SGCD: variants seen among roughly 807,000 people sequenced by gnomAD.
SGCD encodes delta-sarcoglycan.
SGCD carries 18 observed loss-of-function variants against 36.6 expected under a neutral mutation model. That is an observed-to-expected ratio of 0.49 (90% confidence interval 0.34 to 0.73). SGCD has a LOEUF of 0.73. SGCD is among the 30% of genes least tolerant of loss of function. The probability of loss-of-function intolerance (pLI) is 0.01; values close to 1 mark genes in which losing one functional copy is unlikely to be tolerated. For missense variants in SGCD, 387 were observed against 346.7 expected, an observed-to-expected ratio of 1.12 and a Z score of -0.92; for synonymous variants, 133 against 130.6, an observed-to-expected ratio of 1.02 and a Z score of -0.12.
chr5:155,929,968 T>A (rs1435813776), intron 1 of SGCD, among the ~76,000 whole-genome samples: 2 of 152,168 alleles, frequency 1.3e-5, no homozygotes, highest in Non-Finnish European at 2.9e-5. Context: ...AGCTCAAATG[T>A]CTCCTCAATG....
intron 3 of SGCD, among the ~76,000 whole-genome samples, chr5:156,151,566 A>G (rs778904419): frequency 4.6e-5 from 7 of 151,610 alleles, no homozygotes; most frequent in African/African-American, 4.9e-5. Context: ...GCTCATTTCT[A>G]TTAATTACTT....
In SGCD at chr5:156,344,041, T is replaced by A. The variant is rs1561633034; in HGVS notation, c.4-448T>A. On this transcript the variant is annotated intron_variant, in intron 2 of 8. Coordinates refer to ENST00000337851, the MANE Select transcript of SGCD (RefSeq NM_000337.6). ...CAATACAGAATGATAGTGTTCAAAA[T>A]TTTTTAACCACCCCCCCAAATAAAT... Among the ~76,000 whole-genome samples, 6 of 146,340 alleles carry A rather than the reference T, an allele frequency of 4.1e-5. 1 individual carries two copies. The highest frequency in any genetic ancestry group is 5.1e-5 in the African/African-American group (2 of 38,940).
At chr5:156,412,787 C>CTTTTTTTTTTTTTTTTTTTTTTTTTTT (rs35464853) in intron 3 of SGCD, among the ~76,000 whole-genome samples, 1 of 105,032 alleles carries the variant, frequency 9.5e-6, no homozygotes. Context: ...AGGGTTGGTT[C>CTTTTTTTTTTTTTTTTTTTTTTTTTTT]TTTTTTTTTT....
At chr5:155,853,153 T>G in the SGCD span, among the ~76,000 whole-genome samples, 615 of 152,182 alleles carry the variant, frequency 4.0e-3, 3 homozygotes, top group Middle Eastern at 0.024. Flanking sequence ...GAAACATCCA[T>G]TATATTATAA....
intron 3 of SGCD, among the ~76,000 whole-genome samples, chr5:156,279,160 T>G (rs924957064): frequency 2.0e-5 from 3 of 152,170 alleles, no homozygotes; most frequent in Admixed American, 2.0e-4. Flanking sequence ...GTGTTCTGCA[T>G]GTAGCTGGAG....
intron 7 of SGCD, among the ~76,000 whole-genome samples, chr5:156,677,556 G>A (rs1054867158): frequency 6.6e-5 from 10 of 151,994 alleles, no homozygotes; most frequent in Admixed American, 5.9e-4. Context: ...GGGGGAGGGG[G>A]AGGGATAGCA....
chr5:156,557,479 G>A (rs999567428), intron 4 of SGCD, among the ~76,000 whole-genome samples: 2 of 152,124 alleles, frequency 1.3e-5, no homozygotes, highest in African/African-American at 2.4e-5. Context: ...GCAAACTACA[G>A]GCTGTGGACC....
intron 3 of SGCD, among the ~76,000 whole-genome samples, chr5:156,496,504 C>A (rs1326384441): frequency 6.6e-6 from 1 of 152,032 alleles, no homozygotes. Flanking sequence ...AATTGTGATT[C>A]TTTTTGGCTA....
At chr5:156,043,119 G>T (rs958139656) in intron 1 of SGCD, among the ~76,000 whole-genome samples, 3 of 152,130 alleles carry the variant, frequency 2.0e-5, no homozygotes, top group Non-Finnish European at 2.9e-5. Context: ...TTTTCTTACG[G>T]TTACAATTTT....
At chr5:156,496,287 A>G (rs1006356010) in intron 3 of SGCD, among the ~76,000 whole-genome samples, 1 of 152,152 alleles carries the variant, frequency 6.6e-6, no homozygotes, top group African/African-American at 2.4e-5. Flanking sequence ...CAGAAGTGCT[A>G]TATTCTTCCT....
Position 156,197,472 on chromosome 5 carries a change from C to CTT in SGCD, c.-44+73467_-44+73468dup, listed in dbSNP as rs368116194. Among the ~76,000 whole-genome samples the CTT allele has an allele frequency of 3.3e-3, 446 of 133,992 alleles. 6 individuals carry two copies. Among genetic ancestry groups the CTT allele is most frequent in the African/African-American group, 0.01 (383 of 36,580 alleles). 87.9% of individuals were successfully genotyped at this position (133,992 alleles called of 152,430 possible). A position where few individuals can be genotyped will look rare whatever the true frequency, so the allele number is the denominator to read the frequency against. On this transcript the variant is annotated intron_variant, in intron 3 of 9. Coordinates refer to the SGCD transcript ENST00000517913. ...AACTCTTTAGAATTGAATAGTTTTCCTTTTTTTTTTTTTTTGGCTAAACAG... is the reference window on the plus strand; with the variant it reads ...AACTCTTTAGAATTGAATAGTTTTCCTTTTTTTTTTTTTTTTTGGCTAAACAG...
intron 3 of SGCD, among the ~76,000 whole-genome samples, chr5:156,165,300 T>C (rs1763186733): frequency 6.6e-6 from 1 of 152,266 alleles, no homozygotes; most frequent in East Asian, 1.9e-4. Context: ...TTATGTTCCA[T>C]CTGCTCTTTA....
intron 4 of SGCD, among the ~76,000 whole-genome samples, chr5:156,584,208 A>G (rs1310089611): frequency 6.6e-6 from 1 of 152,058 alleles, no homozygotes; most frequent in Admixed American, 6.5e-5. Flanking sequence ...TTTTTTGCAG[A>G]GGGCCAAATA....
chr5:156,692,725 G>T (rs939937649), intron 7 of SGCD, among the ~76,000 whole-genome samples: 2 of 152,120 alleles, frequency 1.3e-5, no homozygotes, highest in African/African-American at 4.8e-5. Context: ...ATTGCTAAGT[G>T]TTTTTTAGTG....
chr5:155,776,753 C>A, the SGCD span, among the ~76,000 whole-genome samples: 10 of 151,442 alleles, frequency 6.6e-5, no homozygotes, highest in Non-Finnish European at 1.5e-4. Context: ...ATTTTTCGGG[C>A]AAAATGTCTG....
At chr5:155,970,198 T>C (rs573997668) in intron 1 of SGCD, among the ~76,000 whole-genome samples, 2 of 152,122 alleles carry the variant, frequency 1.3e-5, no homozygotes, top group African/African-American at 4.8e-5. Flanking sequence ...TTCCTATTCT[T>C]CTCTTCCAGC....
intron 3 of SGCD, among the ~76,000 whole-genome samples, chr5:156,476,806 T>A (rs1755201177): frequency 6.6e-6 from 1 of 152,194 alleles, no homozygotes; most frequent in Non-Finnish European, 1.5e-5. Context: ...ATCAGGTGTC[T>A]GATAGGTAAA....
rs1297805723 is a variant in SGCD at position 156,028,138 on chromosome 5, A to G, written c.-281-89740A>G. 2.6e-5 allele frequency among the ~76,000 whole-genome samples: 4 copies of G among 152,206 alleles called. No homozygotes were observed. In the South Asian group the frequency reaches 8.3e-4, roughly 32 times the overall value. ...TAATAGCACTCTCTCTAAAGAAGGC[A>G]ATGGAGTTTTACTTCAACATCTTCT... On this transcript the variant is annotated intron_variant, in intron 1 of 9. Transcript: ENST00000517913.
intron 1 of SGCD, among the ~76,000 whole-genome samples, chr5:155,969,676 T>C: frequency 6.6e-6 from 1 of 152,162 alleles, no homozygotes; most frequent in East Asian, 1.9e-4. Context: ...TCACTGTTTC[T>C]AAGCTTCTTT....
Sources: allele counts gnomAD v4.1 joint callset (sites outside exome capture counted in the v4.1 genomes callset), GRCh38; gene constraint gnomAD v4.1.1; transcripts MANE v1.5; gene names NCBI Gene and HGNC (gene_info 2026-07-23, HGNC 2026-07-21).